The following KLHL1 variants were observed in gnomAD, a reference collection of about 807,000 sequenced individuals.
KLHL1 encodes the protein kelch-like protein 1.
In KLHL1, 47 loss-of-function variants were observed where a neutral mutation model predicts 77.7. The observed-to-expected ratio is 0.60, with a 90% CI of 0.48 to 0.77. The LOEUF is 0.77. KLHL1 is among the 30% of genes least tolerant of loss of function. The pLI, the probability that KLHL1 is intolerant of heterozygous loss-of-function variation, is 0.00. For missense variants in KLHL1, 925 were observed against 910.8 expected (o/e 1.02, Z -0.20); for synonymous variants, 360 against 325.2 (o/e 1.11, Z -1.15).
At chr13:70,057,782 C>CAAAAAAAAAAA (rs60920874) in intron 1 of KLHL1, among the ~76,000 whole-genome samples, 1 of 62,270 alleles carries the variant, frequency 1.6e-5, no homozygotes. Context: ...GACTCCGTCT[C>CAAAAAAAAAAA]AAAAAAAAAA....
chr13:70,078,227 A>C (rs556684623), intron 1 of KLHL1, among the ~76,000 whole-genome samples: 1 of 152,116 alleles, frequency 6.6e-6, no homozygotes, highest in African/African-American at 2.4e-5. Context: ...TAGACCACTT[A>C]AGTACCAACC....
intron 7 of KLHL1, among the ~76,000 whole-genome samples, chr13:69,762,648 G>C (rs1875083910): frequency 6.7e-6 from 1 of 149,178 alleles, no homozygotes; most frequent in Non-Finnish European, 1.5e-5. Flanking sequence ...AAGACCTTAA[G>C]GTAAAGCTAA....
chr13:70,107,692 C>A lies in KLHL1; in HGVS notation c.8G>T (p.Gly3Val), dbSNP rs758706872. 3.3e-6 allele frequency: 5 copies of A among 1,524,600 alleles called. No individual in the cohort carries two copies. The South Asian group carries it at 5.3e-5, about 16-fold the overall frequency. 94.4% of individuals were successfully genotyped at this position (1,524,600 alleles called of 1,614,324 possible). The stretch of plus-strand genomic sequence containing the variant: ...CACATCGAAGTCTTTTCGCCCAGAG[C>A]CTGACATGCTTTACGCACAGAAGGC... MS[G>V]SGRKDFDVKH... is the part of the protein sequence containing the mutation. Residue 3 changes from glycine to valine, a missense_variant, in exon 1 of 11, where the codon GGC becomes GTC. Transcript: ENST00000377844.
chr13:69,740,767 G>A (rs925204663), intron 7 of KLHL1, among the ~76,000 whole-genome samples: 8 of 152,126 alleles, frequency 5.3e-5, no homozygotes, highest in Admixed American at 2.0e-4. Context: ...GACTTCAGTT[G>A]TTAAGAAAAC....
rs1360797233 is a variant in KLHL1, at chr13:70,107,560, T to C, written c.140A>G (p.Glu47Gly). 6.2e-7 allele frequency: 1 copy of C among 1,607,214 alleles called. No homozygotes were observed. Among genetic ancestry groups the C allele is most frequent in the Non-Finnish European group, 8.5e-7 (1 of 1,176,492 alleles). Residue 47 changes from glutamate (E) to glycine (G), a missense_variant, in exon 1 of 11, where the codon GAG becomes GGG. Transcript: ENST00000377844. The part of the protein sequence containing the change: ...CLQQDGSGSF[E>G]HWGPSQSRLL... ...GCGACTCTGGCTGGGTCCCCAGTGC[T>C]CAAAGCTGCCACTGCCGTCCTGTTG...
chr13:70,037,996 T>C (rs189653814), intron 1 of KLHL1, among the ~76,000 whole-genome samples: 7 of 152,300 alleles, frequency 4.6e-5, no homozygotes, highest in African/African-American at 1.7e-4. Flanking sequence ...GTACTTTCAT[T>C]CCACTAACAA....
intron 1 of KLHL1, among the ~76,000 whole-genome samples, chr13:70,075,569 G>GTGTATATATATATATATATATATATA (rs761519216): frequency 2.8e-5 from 3 of 106,654 alleles, no homozygotes; most frequent in African/African-American, 7.3e-5. Flanking sequence ...GTGTGTATGT[G>GTGTATATATATATATATATATATATA]TATATATATA....
intron 3 of KLHL1, among the ~76,000 whole-genome samples, chr13:69,959,658 CT>C (rs201932480): frequency 8.6e-4 from 89 of 103,176 alleles, no homozygotes; most frequent in African/African-American, 2.4e-3. Context: ...CAACCCGTAA[CT>C]TTTTTTTTTC....
chr13:69,899,090 A>G (rs1212196050), intron 4 of KLHL1, among the ~76,000 whole-genome samples: 2 of 151,960 alleles, frequency 1.3e-5, no homozygotes, highest in African/African-American at 4.8e-5. Flanking sequence ...CACAAGCCAA[A>G]CTCAGGAAGG....
intron 5 of KLHL1, among the ~76,000 whole-genome samples, chr13:69,852,841 T>C (rs563863547): frequency 1.3e-5 from 2 of 152,116 alleles, no homozygotes; most frequent in East Asian, 3.9e-4. Flanking sequence ...TGTTCAAACA[T>C]CTTTACTGAG....
At chr13:69,718,743 T>C (rs1277748926) in intron 9 of KLHL1, among the ~76,000 whole-genome samples, 1 of 152,130 alleles carries the variant, frequency 6.6e-6, no homozygotes, top group Non-Finnish European at 1.5e-5. Context: ...ATAGTATTCC[T>C]AGGCCTGAAG....
At chr13:69,938,456 C>T (rs943114992) in intron 4 of KLHL1, among the ~76,000 whole-genome samples, 1 of 152,000 alleles carries the variant, frequency 6.6e-6, no homozygotes, top group Non-Finnish European at 1.5e-5. Context: ...AAATTTGTTA[C>T]TATTGTGCGA....
At chr13:69,998,678 A>T (rs1885216077) in intron 1 of KLHL1, among the ~76,000 whole-genome samples, 1 of 151,988 alleles carries the variant, frequency 6.6e-6, no homozygotes, top group African/African-American at 2.4e-5. Context: ...ATGACTACAG[A>T]CTTATCGACT....
At chr13:70,038,747 T>G (rs61964241) in intron 1 of KLHL1, among the ~76,000 whole-genome samples, 9 of 151,504 alleles carry the variant, frequency 5.9e-5, no homozygotes, top group Non-Finnish European at 1.3e-4. Context: ...CCCACCACCA[T>G]GCCTGGCTAA....
intron 1 of KLHL1, among the ~76,000 whole-genome samples, chr13:70,082,083 G>T (rs958026959): frequency 6.6e-6 from 1 of 151,968 alleles, no homozygotes; most frequent in African/African-American, 2.4e-5. Context: ...TCTTCCTCCT[G>T]CTCCAGTCAT....
At chr13:69,878,718 AGAGAGAGAGAGAGAGAGT>A (rs1880864287) in intron 5 of KLHL1, among the ~76,000 whole-genome samples, 2 of 141,198 alleles carry the variant, frequency 1.4e-5, no homozygotes, top group Non-Finnish European at 3.2e-5. Context: ...ATATAGAGAG[AGAGAGAGAGAGAGAGAGT>A]GAGAGAGAGA....
chr13:70,079,617 T>C lies in KLHL1; in HGVS notation c.497+27586A>G, dbSNP rs75932147. ...ATACCTGTGTTTTCAACATTTTCAA[T>C]GAAGGAATAGCAATAATCATGATTA... On this transcript the variant is annotated intron_variant, in intron 1 of 10. Transcript: ENST00000377844. Among the ~76,000 whole-genome samples, 106 of 152,302 alleles carry C rather than the reference T, an allele frequency of 7.0e-4. 3 individuals carry two copies. The highest frequency in any genetic ancestry group is 2.5e-3 in the African/African-American group (106 of 41,574).
At chr13:69,785,035 G>A (rs866580775) in intron 7 of KLHL1, among the ~76,000 whole-genome samples, 1,745 of 149,964 alleles carry the variant, frequency 0.012, 33 homozygotes, top group African/African-American at 0.039. Flanking sequence ...GACTACAGGC[G>A]CCCGCCACTA....
In KLHL1 at chr13:69,701,676, ATCTTTC is replaced by A. The variant is rs1875401980; in HGVS notation, c.*20_*25del. 8.3e-6 allele frequency: 13 copies of A among 1,561,492 alleles called. No homozygotes were observed. In the East Asian group the frequency reaches 2.7e-4, roughly 32 times the overall value. On this transcript the variant is annotated 3_prime_UTR_variant, in exon 11 of 11. Coordinates refer to ENST00000377844, the MANE Select transcript of KLHL1 (RefSeq NM_020866.3). ...AAAAATAACCACTCCAGCAAGTAAA[ATCTTTC>A]CAAGTAAAATATCAATAAGTCAAGG...
Sources: gnomAD v4.1 joint callset for allele counts (sites outside exome capture counted in the v4.1 genomes callset) on GRCh38, gnomAD v4.1.1 for gene constraint, MANE v1.5 for transcripts, NCBI Gene and HGNC (gene_info 2026-07-23, HGNC 2026-07-21) for gene names.